Variants in PHACTR3 observed in about 807,000 individuals in gnomAD.
PHACTR3 encodes phosphatase and actin regulator 3.
Under a neutral mutation model 66.8 loss-of-function variants are expected in PHACTR3, and 16 were observed. The ratio of observed to expected loss-of-function variants is 0.24; its 90% CI spans 0.16 to 0.36. PHACTR3 has a LOEUF of 0.36. Ranked by LOEUF, PHACTR3 falls within the 10% of genes least tolerant of loss-of-function variation. The pLI is 1.00. For synonymous variants in PHACTR3, 323 were observed against 292.1 expected, an observed-to-expected ratio of 1.11 and a Z score of -1.08; for missense variants, 647 against 719.9, an observed-to-expected ratio of 0.90 and a Z score of 1.16.
chr20:59,675,934 C>T (rs1273498328), intron 1 of PHACTR3, among the ~76,000 whole-genome samples: 2 of 152,248 alleles, frequency 1.3e-5, no homozygotes, highest in Admixed American at 6.5e-5. Context: ...CATCTGTCTG[C>T]CACCTGGGCC....
chr20:59,771,465 T>G (rs1258945777), intron 5 of PHACTR3, among the ~76,000 whole-genome samples: 1 of 152,082 alleles, frequency 6.6e-6, no homozygotes, highest in Non-Finnish European at 1.5e-5. Context: ...ATTTCTCAGG[T>G]CTCAGCTCAA....
At chr20:59,682,651 C>G (rs2036706586) in intron 1 of PHACTR3, among the ~76,000 whole-genome samples, 1 of 152,158 alleles carries the variant, frequency 6.6e-6, no homozygotes, top group Non-Finnish European at 1.5e-5. Context: ...GGATTGGCAT[C>G]ATTACGGAGG....
At chr20:59,731,551 T>A (rs563968310) in intron 1 of PHACTR3, among the ~76,000 whole-genome samples, 1 of 152,332 alleles carries the variant, frequency 6.6e-6, no homozygotes, top group South Asian at 2.1e-4. Flanking sequence ...TGAATTTCAC[T>A]TGGAAAACTG....
intron 1 of PHACTR3, among the ~76,000 whole-genome samples, chr20:59,594,675 CT>C (rs1169188761): frequency 4.6e-5 from 7 of 152,154 alleles, no homozygotes; most frequent in African/African-American, 1.7e-4. Flanking sequence ...TGTCCTCTCA[CT>C]TATTTTCTTA....
At chr20:59,713,982 T>G (rs2037999348) in intron 1 of PHACTR3, among the ~76,000 whole-genome samples, 1 of 152,248 alleles carries the variant, frequency 6.6e-6, no homozygotes, top group East Asian at 1.9e-4. Flanking sequence ...CATTGTGGTT[T>G]AATTGGTATT....
chr20:59,710,674 G>A (rs2037881632), intron 1 of PHACTR3, among the ~76,000 whole-genome samples: 1 of 151,616 alleles, frequency 6.6e-6, no homozygotes, highest in African/African-American at 2.4e-5. Flanking sequence ...AATTCCAACT[G>A]CATCTTCTTC....
At chr20:59,697,894 CAT>C (rs1199101645) in intron 1 of PHACTR3, among the ~76,000 whole-genome samples, 10 of 152,124 alleles carry the variant, frequency 6.6e-5, no homozygotes, top group African/African-American at 2.4e-4. Context: ...TTGGCAAACA[CAT>C]GTGGAAACAG....
At chr20:59,790,594 G>T (rs1338106828) in intron 7 of PHACTR3, among the ~76,000 whole-genome samples, 2 of 152,166 alleles carry the variant, frequency 1.3e-5, no homozygotes, top group Non-Finnish European at 2.9e-5. Flanking sequence ...CACACTGTGG[G>T]GTTATTAACA....
intron 8 of PHACTR3, among the ~76,000 whole-genome samples, chr20:59,826,403 C>T (rs970644889): frequency 6.6e-6 from 1 of 152,186 alleles, no homozygotes; most frequent in African/African-American, 2.4e-5. Context: ...GGGCTTGGCT[C>T]ACCCTTGGCT....
intron 1 of PHACTR3, among the ~76,000 whole-genome samples, chr20:59,583,896 T>A (rs1402390408): frequency 6.6e-6 from 1 of 152,206 alleles, no homozygotes; most frequent in Non-Finnish European, 1.5e-5. Flanking sequence ...GGAAAGCTAC[T>A]TAGGTGCACC....
chr20:59,812,229 T>TCA (rs2041756891), intron 8 of PHACTR3, among the ~76,000 whole-genome samples: 1 of 152,226 alleles, frequency 6.6e-6, no homozygotes, highest in Non-Finnish European at 1.5e-5. Flanking sequence ...GCACAAACTG[T>TCA]CATTCCCCTT....
At chr20:59,774,184 C>A (rs535197221) in intron 6 of PHACTR3, 59 bp from the exon 7 acceptor site, 17 of 1,517,672 alleles carry the variant, frequency 1.1e-5, no homozygotes, top group Non-Finnish European at 1.5e-5. Flanking sequence ...CAAAGTCAAT[C>A]GTGCTGGGTT....
At chr20:59,692,699 T>C (rs1225997432) in intron 1 of PHACTR3, among the ~76,000 whole-genome samples, 3 of 152,220 alleles carry the variant, frequency 2.0e-5, no homozygotes. Context: ...CCGTGCCTCC[T>C]CTTGGCTGGA....
chr20:59,624,374 C>A (rs1267746121), intron 1 of PHACTR3, among the ~76,000 whole-genome samples: 1 of 152,084 alleles, frequency 6.6e-6, no homozygotes, highest in Non-Finnish European at 1.5e-5. Flanking sequence ...ATGAGACTCG[C>A]CGGGGGTCTT....
intron 4 of PHACTR3, among the ~76,000 whole-genome samples, chr20:59,760,163 G>A (rs866326247): frequency 7.2e-5 from 11 of 152,124 alleles, no homozygotes; most frequent in African/African-American, 1.4e-4. Flanking sequence ...CAGCTTCCCC[G>A]TGCCCCAACC....
intron 3 of PHACTR3, among the ~76,000 whole-genome samples, chr20:59,748,081 G>C (rs144692216): frequency 6.6e-6 from 1 of 152,302 alleles, no homozygotes; most frequent in African/African-American, 2.4e-5. Context: ...ACTCCTCTCT[G>C]GGGAATGTCT....
rs2039184985 is a variant in PHACTR3 at position 59,742,130 on chromosome 20, C to A, written c.119-977C>A. Among the ~76,000 whole-genome samples the A allele has an allele frequency of 3.9e-5, 6 of 152,356 alleles. No homozygotes were observed. In the South Asian group the frequency reaches 1.2e-3, roughly 32 times the overall value. On this transcript the variant is annotated intron_variant, in intron 1 of 12. Transcript: ENST00000371015. ...CCACACACCAGTGTGTGCCTGTATA[C>A]CACCCCTGTTCGCACACTGGTGGCG...
intron 1 of PHACTR3, among the ~76,000 whole-genome samples, chr20:59,584,546 A>G (rs187491820): frequency 1.3e-5 from 2 of 151,962 alleles, no homozygotes; most frequent in Admixed American, 6.5e-5. Context: ...TGTGTGCATG[A>G]GTGTGTACGT....
intron 1 of PHACTR3, among the ~76,000 whole-genome samples, chr20:59,667,281 G>A (rs1341673418): frequency 2.6e-5 from 4 of 152,274 alleles, no homozygotes; most frequent in Non-Finnish European, 4.4e-5. Flanking sequence ...AGCCCAGTGG[G>A]CGTGGCTGGC....
Sources: allele counts gnomAD v4.1 joint callset (sites outside exome capture counted in the v4.1 genomes callset), GRCh38; gene constraint gnomAD v4.1.1; transcripts MANE v1.5; gene names NCBI Gene and HGNC (gene_info 2026-07-23, HGNC 2026-07-21).